The following PLG variants were observed in gnomAD, a reference collection of about 807,000 sequenced individuals.
PLG encodes plasminogen.
In PLG, 41 loss-of-function variants were observed where a neutral mutation model predicts 104.4. The ratio of observed to expected loss-of-function variants is 0.39; its 90% CI spans 0.31 to 0.51. The LOEUF is 0.51. PLG is among the 20% of genes least tolerant of loss of function. The pLI is 0.76. For missense variants in PLG, 891 were observed against 1,003.6 expected (o/e 0.89, Z 1.52); for synonymous variants, 337 against 357.1 (o/e 0.94, Z 0.63).
chr6:160,716,763 AG>A lies in PLG; in HGVS notation c.787+1del, dbSNP rs747296762. The A allele has an allele frequency of 4.5e-6, 7 of 1,543,366 alleles. No homozygotes were observed. Among genetic ancestry groups the A allele is most frequent in the Non-Finnish European group, 6.3e-6 (7 of 1,115,440 alleles). ...GGAACTTTGTGACATCCCCCGCTGC[AG>A]TGAGTATGATGCACACCCAGATTCC... On this transcript the variant is annotated splice_donor_variant, in intron 7 of 18. Transcript: ENST00000308192. LOFTEE classifies it high-confidence loss of function.
intron 10 of PLG, 175 bp from the exon 11 acceptor site, chr6:160,730,876 A>T: frequency 1.6e-6 from 1 of 637,814 alleles, no homozygotes; most frequent in Non-Finnish European, 2.8e-6. Context: ...TTTGAAATGT[A>T]CACAGTTGTT....
intron 2 of PLG, among the ~76,000 whole-genome samples, chr6:160,707,316 G>T (rs1168525814): frequency 5.9e-5 from 9 of 152,160 alleles, no homozygotes; most frequent in Admixed American, 2.0e-4. Context: ...TGGAGCAGAG[G>T]TTCAGGGGAA....
intron 1 of PLG, among the ~76,000 whole-genome samples, chr6:160,704,997 C>T (rs1424449748): frequency 3.9e-5 from 6 of 152,184 alleles, no homozygotes; most frequent in Admixed American, 6.5e-5. Flanking sequence ...CTGGAGGGCT[C>T]GCTGTCTTCA....
chr6:160,731,776 A>T lies in PLG; in HGVS notation c.1470A>T (p.Arg490=). The change falls in exon 12 of 19, where the codon CGA becomes CGT. Residue 490 remains arginine, a synonymous_variant. Coordinates refer to ENST00000308192, the MANE Select transcript of PLG (RefSeq NM_000301.5). This position sits in a 1 kb window ranked among gnomAD's most constrained non-coding sequence, Gnocchi z 5.1. The part of the protein sequence containing the change: ...DCMFGNGKGY[R]GKRATTVTGT... ...TGTTTGGGAATGGGAAAGGATACCG[A>T]GGCAAGAGGGCGACCACTGTTACTG... The T allele has an allele frequency of 6.2e-7, 1 of 1,613,940 alleles. No homozygotes were observed. Among genetic ancestry groups the T allele is most frequent in the Non-Finnish European group, 8.5e-7 (1 of 1,179,908 alleles).
rs1778121652 is a variant in PLG at position 160,738,259 on chromosome 6, G to A, written c.1803-279G>A. Reference sequence around the variant, plus strand: ...GTGGGGTGAAAGCCGTGGCTGTAGAGCTTCATGCGGAGTTACTTAGCTTTG... The same window carrying A: ...GTGGGGTGAAAGCCGTGGCTGTAGAACTTCATGCGGAGTTACTTAGCTTTG... On this transcript the variant is annotated intron_variant, in intron 14 of 18. Coordinates refer to ENST00000308192, the MANE Select transcript of PLG (RefSeq NM_000301.5). This position sits in a 1 kb window ranked among gnomAD's most constrained non-coding sequence, Gnocchi z 6.8. 6.6e-6 allele frequency among the ~76,000 whole-genome samples: 1 copy of A among 152,164 alleles called. No homozygotes were observed. The highest frequency in any genetic ancestry group is 1.5e-5 in the Non-Finnish European group (1 of 68,042).
chr6:160,709,840 C>A (rs1391008917), intron 3 of PLG, among the ~76,000 whole-genome samples: 1 of 152,218 alleles, frequency 6.6e-6, no homozygotes, highest in African/African-American at 2.4e-5. Context: ...GCACTTTCCC[C>A]ATGTGATTGA....
chr6:160,717,556 T>C (rs1182211110), intron 7 of PLG, among the ~76,000 whole-genome samples: 1 of 152,170 alleles, frequency 6.6e-6, no homozygotes, highest in Non-Finnish European at 1.5e-5. Context: ...GTTTTTTGCC[T>C]TCTTTCCATG....
intron 7 of PLG, among the ~76,000 whole-genome samples, chr6:160,717,898 G>T (rs770404149): frequency 2.0e-5 from 3 of 152,138 alleles, no homozygotes; most frequent in Admixed American, 6.5e-5. Context: ...GCCAAGACAG[G>T]CCAGAACACC....
At position 160,734,145 on chromosome 6, in the gene PLG, A is replaced by G; in HGVS notation, c.1681+57A>G. The stretch of plus-strand genomic sequence containing the variant: ...CTTACTTAATATGGATTTGCAACAA[A>G]AAAGGAAAAGGGCTTCTGAGCAGAC... On this transcript the variant is annotated intron_variant, in intron 13 of 18. Coordinates refer to ENST00000308192, the MANE Select transcript of PLG (RefSeq NM_000301.5). This position sits in a 1 kb window ranked among gnomAD's most constrained non-coding sequence, Gnocchi z 4.4. The G allele has an allele frequency of 2.1e-6, 2 of 971,496 alleles. No homozygotes were observed. The highest frequency in any genetic ancestry group is 3.3e-6 in the Non-Finnish European group (2 of 599,584). The allele number at this position is 971,496 out of a possible 1,614,324, so 60.2% of individuals were successfully genotyped here.
At chr6:160,742,022 A>G (rs374210195) in intron 17 of PLG, among the ~76,000 whole-genome samples, 20 of 152,308 alleles carry the variant, frequency 1.3e-4, no homozygotes, top group African/African-American at 4.8e-4. Flanking sequence ...ACAGTATTCC[A>G]TGGTGTATAT....
At position 160,724,041 on chromosome 6, in the gene PLG, G is replaced by C. The variant is rs1277244210; in HGVS notation, c.1256+1474G>C. On this transcript the variant is annotated intron_variant, in intron 10 of 18. Coordinates refer to ENST00000308192, the MANE Select transcript of PLG (RefSeq NM_000301.5). This position sits in a 1 kb window ranked among gnomAD's most constrained non-coding sequence, Gnocchi z 5.0. ...TAGAGGCAAACAACAAAATCAAGTT[G>C]CTCAGTTATGTGGCATCCACAATGT... Among the ~76,000 whole-genome samples, 1 of 152,268 alleles carries C rather than the reference G, an allele frequency of 6.6e-6. No individual in the cohort carries two copies. The highest frequency in any genetic ancestry group is 1.5e-5 in the Non-Finnish European group (1 of 68,014).
chr6:160,743,163 A>G (rs149530067), intron 17 of PLG, among the ~76,000 whole-genome samples: 1 of 152,102 alleles, frequency 6.6e-6, no homozygotes, highest in Non-Finnish European at 1.5e-5. Flanking sequence ...TTATATATAA[A>G]TTTTTGAAGT....
chr6:160,703,840 A>G (rs1205347055), intron 1 of PLG, among the ~76,000 whole-genome samples: 1 of 152,194 alleles, frequency 6.6e-6, no homozygotes, highest in Non-Finnish European at 1.5e-5. Flanking sequence ...ATATGTTTTA[A>G]CCCACCTGGT....
At chr6:160,747,191 G>A (rs887304258) in intron 17 of PLG, among the ~76,000 whole-genome samples, 2 of 152,228 alleles carry the variant, frequency 1.3e-5, no homozygotes, top group African/African-American at 2.4e-5. Flanking sequence ...TACAACTGGG[G>A]GAGAGGCGGA....
At chr6:160,713,363 G>A (rs1340959627) in intron 5 of PLG, 8 of 446,852 alleles carry the variant, frequency 1.8e-5, no homozygotes, top group South Asian at 4.2e-5. Context: ...CTCCGCCTCC[G>A]GGTTCAAGAG....
chr6:160,748,440 G>GA lies in PLG; in HGVS notation c.2126-3673dup, dbSNP rs1244989234. On this transcript the variant is annotated intron_variant, in intron 17 of 18. Transcript: ENST00000308192. ...AGGGAAAGAAAGAGAACGAAAGAAA[G>GA]AAGGGAGGGAGGGAGGGAGGGAGGG... Among the ~76,000 whole-genome samples the GA allele has an allele frequency of 2.5e-3, 170 of 69,382 alleles. 31 individuals are homozygous for GA. The East Asian group carries it at 0.047, about 19-fold the overall frequency. The allele number at this position is 69,382 out of a possible 152,430, so 45.5% of individuals were successfully genotyped here.
At chr6:160,743,011 CTTTTTTT>C in intron 17 of PLG, among the ~76,000 whole-genome samples, 1 of 140,628 alleles carries the variant, frequency 7.1e-6, no homozygotes, top group Non-Finnish European at 1.5e-5. Flanking sequence ...GTCTACGTGT[CTTTTTTT>C]TTTTTTTTTT....
At position 160,731,121 on chromosome 6, in the gene PLG, A is replaced by G. The variant is rs1281388937; in HGVS notation, c.1327A>G (p.Ser443Gly). ...CCCCTGGTGTTTTACCACAGACCCCAGCGTCAGGTGGGAGTACTGCAACCT... is the reference window on the plus strand; with the variant it reads ...CCCCTGGTGTTTTACCACAGACCCCGGCGTCAGGTGGGAGTACTGCAACCT... The part of the protein sequence containing the change: ...KGPWCFTTDP[S>G]VRWEYCNLKK... Residue 443 changes from serine (S) to glycine (G), a missense_variant, in exon 11 of 19, where the codon AGC (serine) becomes GGC (glycine). By Grantham distance (56) the Ser-to-Gly change is moderately conservative. Around this residue, in one of 2 missense-constraint regions of PLG, gnomAD observed 854 missense variants for 932.1 expected, o/e 0.92. Coordinates refer to ENST00000308192, the MANE Select transcript of PLG (RefSeq NM_000301.5). This position sits in a 1 kb window ranked among gnomAD's most constrained non-coding sequence, Gnocchi z 5.1. The G allele has an allele frequency of 1.9e-6, 3 of 1,613,932 alleles. No homozygotes were observed. Among genetic ancestry groups the G allele is most frequent in the Non-Finnish European group, 2.5e-6 (3 of 1,179,938 alleles).
rs1778248596 is a variant in PLG, at chr6:160,744,591, A to C, written c.2125+3174A>C. Among the ~76,000 whole-genome samples, 1 of 152,036 alleles carries C rather than the reference A, an allele frequency of 6.6e-6. No individual in the cohort carries two copies. The highest frequency in any genetic ancestry group is 1.5e-5 in the Non-Finnish European group (1 of 67,972). ...TAGCTAGCAGCCTACCTATCTTATT[A>C]CTGTTTTCAAAAAACCAACTACTGG... is the stretch of plus-strand genomic sequence containing the variant. On this transcript the variant is annotated intron_variant, in intron 17 of 18. Coordinates refer to ENST00000308192, the MANE Select transcript of PLG (RefSeq NM_000301.5). The surrounding 1 kb of genome is among the most constrained non-coding windows in gnomAD (Gnocchi z 4.5).
Sources: allele counts gnomAD v4.1 joint callset (sites outside exome capture counted in the v4.1 genomes callset), GRCh38; gene constraint gnomAD v4.1.1; regional missense constraint gnomAD v4.1.1; non-coding constraint Gnocchi (gnomAD v3.1); transcripts MANE v1.5; gene names NCBI Gene and HGNC (gene_info 2026-07-23, HGNC 2026-07-21).